OSBPL10: variants seen among roughly 807,000 people sequenced by gnomAD.
The protein encoded by OSBPL10 is oxysterol binding protein like 10.
Under a neutral mutation model 81.7 loss-of-function variants are expected in OSBPL10, and 49 were observed. The observed-to-expected ratio is 0.60, with a 90% CI of 0.48 to 0.76. The LOEUF (loss-of-function observed/expected upper bound fraction) is 0.76. Ranked by LOEUF, OSBPL10 falls within the 30% of genes least tolerant of loss-of-function variation. OSBPL10 has a pLI of 0.00. For synonymous variants in OSBPL10, 419 were observed against 383.6 expected (o/e 1.09, Z -1.08); for missense variants, 923 against 987.8 (o/e 0.93, Z 0.88).
intron 4 of OSBPL10, among the ~76,000 whole-genome samples, chr3:31,778,872 C>T (rs1482162048): frequency 6.6e-6 from 1 of 152,188 alleles, no homozygotes; most frequent in Non-Finnish European, 1.5e-5. Flanking sequence ...GATTTCTCAG[C>T]AGAAACCCTT....
At chr3:31,926,982 A>G (rs919610210) in intron 1 of OSBPL10, among the ~76,000 whole-genome samples, 1 of 152,098 alleles carries the variant, frequency 6.6e-6, no homozygotes, top group African/African-American at 2.4e-5. Flanking sequence ...ATGGTGGCAC[A>G]TGCCTGTAAT....
chr3:31,791,996 A>G (rs1399398715), intron 4 of OSBPL10, among the ~76,000 whole-genome samples: 1 of 152,202 alleles, frequency 6.6e-6, no homozygotes, highest in African/African-American at 2.4e-5. Context: ...CTGTAGTCCC[A>G]ACACTTTGGG....
At chr3:31,965,784 AT>A (rs1698362094) in intron 1 of OSBPL10, among the ~76,000 whole-genome samples, 1 of 76,548 alleles carries the variant, frequency 1.3e-5, no homozygotes, top group African/African-American at 6.1e-5. Flanking sequence ...TATTATATAA[AT>A]AGATAAGATA....
At chr3:31,717,002 T>C (rs1696464253) in intron 6 of OSBPL10, 1 of 152,190 alleles carries the variant, frequency 6.6e-6, no homozygotes, top group Non-Finnish European at 1.5e-5. Context: ...ATCAGGAGCA[T>C]CACAAACCAC....
At chr3:32,006,445 C>T (rs1370175468) in intron 2 of OSBPL10, among the ~76,000 whole-genome samples, 1 of 152,168 alleles carries the variant, frequency 6.6e-6, no homozygotes, top group Non-Finnish European at 1.5e-5. Flanking sequence ...AATTCTTAAT[C>T]GTGGTCTAAT....
chr3:31,896,665 G>C (rs1696067944), intron 1 of OSBPL10, among the ~76,000 whole-genome samples: 1 of 152,248 alleles, frequency 6.6e-6, no homozygotes, highest in South Asian at 2.1e-4. Flanking sequence ...GTCATGGGCA[G>C]ATAAGCAGAA....
In OSBPL10 at chr3:31,990,360, G is replaced by A. The variant is rs138977513; in HGVS notation, n.298+56131C>T. ...TCCATAATGAAGAGAGATCTTACAA[G>A]TGTAATAAATGTGGCAAATTTTTTA... On this transcript the variant is annotated intron_variant and non_coding_transcript_variant, in intron 2 of 3. Coordinates refer to the OSBPL10 transcript ENST00000479173. 3.4e-3 allele frequency: 5,562 copies of A among 1,613,958 alleles called. 43 individuals are homozygous for A. In the East Asian group the frequency reaches 0.036, roughly 10 times the overall value.
At chr3:31,895,806 G>A (rs1015050917) in intron 1 of OSBPL10, among the ~76,000 whole-genome samples, 6 of 152,158 alleles carry the variant, frequency 3.9e-5, no homozygotes, top group African/African-American at 9.7e-5. Flanking sequence ...TTACATGAAT[G>A]GGCAAGAGCA....
chr3:31,852,401 T>A (rs925675766), intron 3 of OSBPL10, among the ~76,000 whole-genome samples: 1 of 152,074 alleles, frequency 6.6e-6, no homozygotes, highest in African/African-American at 2.4e-5. Flanking sequence ...CAACAACTAT[T>A]ATCCAGCCAA....
intron 4 of OSBPL10, among the ~76,000 whole-genome samples, chr3:31,763,503 T>C (rs1698118502): frequency 6.6e-6 from 1 of 152,088 alleles, no homozygotes; most frequent in South Asian, 2.1e-4. Context: ...TGGAAATTCT[T>C]TTATTTTGCA....
intron 1 of OSBPL10, among the ~76,000 whole-genome samples, chr3:31,912,333 G>A (rs1696604177): frequency 6.6e-6 from 1 of 151,312 alleles, no homozygotes; most frequent in Non-Finnish European, 1.5e-5. Flanking sequence ...GGCAGAGGTT[G>A]CAGTGAGCCG....
Position 31,830,110 on chromosome 3 carries a change from T to C in OSBPL10, c.659A>G (p.His220Arg). 6.2e-7 allele frequency: 1 copy of C among 1,614,122 alleles called. No individual in the cohort carries two copies. Among genetic ancestry groups the C allele is most frequent in the South Asian group, 1.1e-5 (1 of 91,066 alleles). The stretch of plus-strand genomic sequence containing the variant: ...TCGGGCGGCTGCAGGCGACTTGTGA[T>C]GCGTGATTGTGACAACACCGGGGGC... ...VGAPGVVTITHHKSPAAARRA... is the reference protein window; with the variant it reads ...VGAPGVVTITRHKSPAAARRA... The change falls in exon 4 of 12, where the codon CAT becomes CGT. Residue 220 changes from histidine to arginine, a missense_variant. Physicochemically the swap from His to Arg is conservative, Grantham distance 29. This residue lies in a region of OSBPL10 where 514 missense variants were observed against 508.0 expected (regional missense o/e 1.01). Coordinates refer to ENST00000396556, the MANE Select transcript of OSBPL10 (RefSeq NM_017784.5).
chr3:31,937,165 T>A (rs182285256), intron 1 of OSBPL10, among the ~76,000 whole-genome samples: 6 of 151,878 alleles, frequency 4.0e-5, no homozygotes, highest in African/African-American at 1.4e-4. Flanking sequence ...GTGCCTGTAG[T>A]CCCAGCTACT....
At chr3:31,716,589 G>A (rs895797739) in intron 6 of OSBPL10, among the ~76,000 whole-genome samples, 1 of 152,190 alleles carries the variant, frequency 6.6e-6, no homozygotes, top group Non-Finnish European at 1.5e-5. Context: ...GGGAGGAGCA[G>A]CACAGGTGGT....
chr3:31,873,523 G>A (rs1206571546), intron 3 of OSBPL10, among the ~76,000 whole-genome samples: 1 of 152,148 alleles, frequency 6.6e-6, no homozygotes, highest in East Asian at 1.9e-4. Flanking sequence ...TTACTAAAAT[G>A]AGTTTGAATT....
chr3:31,814,829 C>T (rs968835436), intron 4 of OSBPL10, among the ~76,000 whole-genome samples: 2 of 152,180 alleles, frequency 1.3e-5, no homozygotes, highest in African/African-American at 4.8e-5. Context: ...GCTATTTAGG[C>T]TACATTCATA....
chr3:31,841,768 G>A (rs939818385), intron 3 of OSBPL10, among the ~76,000 whole-genome samples: 6 of 152,050 alleles, frequency 3.9e-5, no homozygotes, highest in South Asian at 4.2e-4. Flanking sequence ...AACAGCCAAC[G>A]GTATTTAGTC....
At chr3:31,781,050 T>C (rs1300442495) in intron 4 of OSBPL10, among the ~76,000 whole-genome samples, 1 of 151,932 alleles carries the variant, frequency 6.6e-6, no homozygotes, top group South Asian at 2.1e-4. Context: ...TGAACATAGA[T>C]GCTATAATCC....
At chr3:31,662,686 T>C in intron 11 of OSBPL10, 2 of 985,544 alleles carry the variant, frequency 2.0e-6, no homozygotes, top group Non-Finnish European at 2.4e-6. Context: ...AGATGACTCT[T>C]ATTCCTTACA....
Sources: gnomAD v4.1 joint callset for allele counts (sites outside exome capture counted in the v4.1 genomes callset) on GRCh38, gnomAD v4.1.1 for gene constraint, gnomAD v4.1.1 regional missense constraint, MANE v1.5 for transcripts, NCBI Gene and HGNC (gene_info 2026-07-23, HGNC 2026-07-21) for gene names.